Variants in PTPRN2 observed in about 807,000 individuals in gnomAD.
PTPRN2 encodes the protein protein tyrosine phosphatase receptor type N2.
A neutral mutation model predicts 118.8 loss-of-function variants in PTPRN2; 74 were observed. The ratio of observed to expected loss-of-function variants is 0.62; its 90% CI spans 0.52 to 0.76. PTPRN2 has a LOEUF of 0.76. Among genes scored for constraint, PTPRN2 ranks in the 30% least tolerant of loss-of-function variants. PTPRN2 has a pLI of 0.00. For synonymous variants in PTPRN2, 641 were observed against 608.0 expected, an observed-to-expected ratio of 1.05 and a Z score of -0.80; for missense variants, 1,481 against 1,394.4, an observed-to-expected ratio of 1.06 and a Z score of -0.99.
intron 1 of PTPRN2, among the ~76,000 whole-genome samples, chr7:158,491,998 G>C (rs1303442311): frequency 1.3e-5 from 2 of 152,118 alleles, no homozygotes; most frequent in Non-Finnish European, 2.9e-5. Context: ...CAAAAGCAGT[G>C]ACCTTGAAAA....
At chr7:158,453,908 T>C (rs1612814) in intron 2 of PTPRN2, among the ~76,000 whole-genome samples, 10,676 of 70,048 alleles carry the variant, frequency 0.15, 1,300 homozygotes, top group Middle Eastern at 0.18. Flanking sequence ...GATGTCAGGA[T>C]TGGGGACGGT....
chr7:158,530,092 T>C (rs1156231983), intron 1 of PTPRN2, among the ~76,000 whole-genome samples: 4 of 152,112 alleles, frequency 2.6e-5, no homozygotes, highest in Admixed American at 2.6e-4. Flanking sequence ...GTGAGATCCA[T>C]TCCTAGGACA....
chr7:158,182,643 G>A (rs1374487243), intron 5 of PTPRN2, among the ~76,000 whole-genome samples: 1 of 152,136 alleles, frequency 6.6e-6, no homozygotes, highest in Non-Finnish European at 1.5e-5. Context: ...TCCCTCCAAG[G>A]GACATGATCT....
intron 14 of PTPRN2, among the ~76,000 whole-genome samples, chr7:157,655,462 C>A (rs1806009547): frequency 6.6e-6 from 1 of 152,238 alleles, no homozygotes; most frequent in African/African-American, 2.4e-5. Flanking sequence ...CTATTATTAA[C>A]TCATTAGGCA....
In PTPRN2 at chr7:157,630,804, A is replaced by G. The variant is rs539323477; in HGVS notation, c.2197-9295T>C. Reference sequence around the variant, plus strand: ...AGGAATTAACAAGAGTGTGTGAAAGACCATTCATGGGGTCTTCTCGCTTTT... The same window carrying G: ...AGGAATTAACAAGAGTGTGTGAAAGGCCATTCATGGGGTCTTCTCGCTTTT... On this transcript the variant is annotated intron_variant, in intron 14 of 22. Coordinates refer to ENST00000389418, the MANE Select transcript of PTPRN2 (RefSeq NM_002847.5). Among the ~76,000 whole-genome samples the G allele has an allele frequency of 3.9e-5, 6 of 152,306 alleles. No individual in the cohort carries two copies. The South Asian group carries it at 1.2e-3, about 32-fold the overall frequency.
intron 11 of PTPRN2, among the ~76,000 whole-genome samples, chr7:158,054,944 T>C (rs73171543): frequency 0.062 from 9,390 of 152,234 alleles, 358 homozygotes; most frequent in Non-Finnish European, 0.089. Context: ...CTGCTCCCCA[T>C]CCTTCGTGCT....
chr7:158,012,927 G>A (rs1359042951), intron 11 of PTPRN2, among the ~76,000 whole-genome samples: 2 of 152,228 alleles, frequency 1.3e-5, no homozygotes, highest in Non-Finnish European at 2.9e-5. Context: ...TCCAGAAGAA[G>A]AGGAAAGTAG....
intron 6 of PTPRN2, among the ~76,000 whole-genome samples, chr7:158,142,735 T>C (rs773833118): frequency 2.6e-5 from 4 of 152,110 alleles, no homozygotes; most frequent in Non-Finnish European, 4.4e-5. Flanking sequence ...CATCTCACTT[T>C]CTCACAAACA....
At chr7:157,978,095 G>C (rs1031103320) in intron 11 of PTPRN2, among the ~76,000 whole-genome samples, 2 of 151,988 alleles carry the variant, frequency 1.3e-5, no homozygotes, top group Non-Finnish European at 2.9e-5. Context: ...CACTAATTAG[G>C]ATAAAAGAGG....
intron 6 of PTPRN2, among the ~76,000 whole-genome samples, chr7:158,156,877 T>C (rs1327071578): frequency 6.6e-6 from 1 of 152,192 alleles, no homozygotes; most frequent in African/African-American, 2.4e-5. Flanking sequence ...AGGATGCTTA[T>C]ACAGCGGAGA....
At chr7:157,804,717 G>A (rs1805522056) in intron 12 of PTPRN2, among the ~76,000 whole-genome samples, 1 of 152,192 alleles carries the variant, frequency 6.6e-6, no homozygotes, top group Non-Finnish European at 1.5e-5. Flanking sequence ...AGTAGGTGAT[G>A]CAGAGACCAC....
intron 5 of PTPRN2, among the ~76,000 whole-genome samples, chr7:158,169,417 AGTGTGTGTGTGTGTGT>A (rs375257745): frequency 2.2e-5 from 3 of 136,628 alleles, no homozygotes; most frequent in East Asian, 2.2e-4. Context: ...TGCTTTTGTG[AGTGTGTGTGTGTGTGT>A]GTGTGTGTGT....
rs1404195126 is a variant in PTPRN2 at position 158,450,786 on chromosome 7, CTG to C, written c.163+38947_163+38948del. Reference sequence around the variant, plus strand: ...GTGGGTCACGTCCAGCCTGGGGAGACTGTAAACGATGCCACCTACGCGCTTCC... The same window carrying C: ...GTGGGTCACGTCCAGCCTGGGGAGACTAAACGATGCCACCTACGCGCTTCC... On this transcript the variant is annotated intron_variant, in intron 2 of 22. Transcript: ENST00000389418. 2.8e-4 allele frequency among the ~76,000 whole-genome samples: 43 copies of C among 152,384 alleles called. 2 individuals carry two copies. The highest frequency in any genetic ancestry group is 1.1e-3 in the Admixed American group (17 of 15,306).
chr7:158,492,914 G>A (rs935026834), intron 1 of PTPRN2, among the ~76,000 whole-genome samples: 9 of 152,210 alleles, frequency 5.9e-5, no homozygotes, highest in African/African-American at 1.4e-4. Context: ...GTACCCTGTC[G>A]GCTCACAGAC....
At chr7:157,758,002 G>T (rs75226943) in intron 12 of PTPRN2, among the ~76,000 whole-genome samples, 1 of 152,344 alleles carries the variant, frequency 6.6e-6, no homozygotes. Context: ...CAGCCCCAGG[G>T]CAAACGTGGT....
intron 2 of PTPRN2, among the ~76,000 whole-genome samples, chr7:158,387,088 G>C (rs1159572366): frequency 6.6e-6 from 1 of 152,108 alleles, no homozygotes; most frequent in Non-Finnish European, 1.5e-5. Flanking sequence ...AACACGGGAG[G>C]CTCTGCCCAA....
intron 12 of PTPRN2, among the ~76,000 whole-genome samples, chr7:157,853,901 C>T (rs1809481101): frequency 6.6e-6 from 1 of 152,134 alleles, no homozygotes; most frequent in Non-Finnish European, 1.5e-5. Flanking sequence ...AGACGGGGGT[C>T]CTTATCAAAG....
chr7:157,851,100 T>C (rs1422649597), intron 12 of PTPRN2, among the ~76,000 whole-genome samples: 1 of 152,174 alleles, frequency 6.6e-6, no homozygotes, highest in Non-Finnish European at 1.5e-5. Flanking sequence ...TCACCCAGCC[T>C]CCAGCCGCTC....
chr7:158,138,035 ACT>A (rs1218383243), intron 7 of PTPRN2, among the ~76,000 whole-genome samples: 1 of 152,172 alleles, frequency 6.6e-6, no homozygotes. Flanking sequence ...TGTTTTCCTG[ACT>A]CAGCCTCAGC....
Sources: allele counts gnomAD v4.1 joint callset (sites outside exome capture counted in the v4.1 genomes callset), GRCh38; gene constraint gnomAD v4.1.1; transcripts MANE v1.5; gene names NCBI Gene and HGNC (gene_info 2026-07-23, HGNC 2026-07-21).